The following CDH8 variants were observed in gnomAD, a reference collection of about 807,000 sequenced individuals.
CDH8 encodes the protein cadherin-8.
Under a neutral mutation model 68.1 loss-of-function variants are expected in CDH8, and 17 were observed. The ratio of observed to expected loss-of-function variants is 0.25; its 90% CI spans 0.17 to 0.37. The LOEUF is 0.37. Among genes scored for constraint, CDH8 ranks in the 10% least tolerant of loss-of-function variants. CDH8 has a pLI of 1.00. For missense variants in CDH8, 763 were observed against 999.3 expected (o/e 0.76, Z 3.19); for synonymous variants, 372 against 365.1 (o/e 1.02, Z -0.21).
intron 1 of CDH8, among the ~76,000 whole-genome samples, chr16:62,021,959 T>G (rs908455997): frequency 2.0e-5 from 3 of 152,136 alleles, no homozygotes; most frequent in African/African-American, 7.2e-5. Context: ...TCTTCCATTC[T>G]TTTTTGTTTT....
chr16:61,700,264 A>G (rs997214462), intron 10 of CDH8, among the ~76,000 whole-genome samples: 1 of 149,236 alleles, frequency 6.7e-6, no homozygotes, highest in Non-Finnish European at 1.5e-5. Flanking sequence ...CATATATTAG[A>G]TCTATTTTTA....
intron 2 of CDH8, among the ~76,000 whole-genome samples, chr16:61,907,858 C>G (rs991456515): frequency 1.7e-4 from 26 of 151,724 alleles, no homozygotes; most frequent in South Asian, 1.0e-3. Context: ...TCCTGGCTAA[C>G]ACGGTGAAAC....
At chr16:61,743,726 T>C (rs1204799223) in intron 8 of CDH8, among the ~76,000 whole-genome samples, 2 of 152,186 alleles carry the variant, frequency 1.3e-5, no homozygotes, top group African/African-American at 4.8e-5. Context: ...TTCAGCCCCT[T>C]TGAAGTGGAT....
intron 7 of CDH8, among the ~76,000 whole-genome samples, chr16:61,808,029 A>G (rs1961837231): frequency 6.6e-6 from 1 of 152,230 alleles, no homozygotes; most frequent in South Asian, 2.1e-4. Context: ...AATGAAATAT[A>G]TGCAAAAAGC....
In CDH8 at chr16:61,857,047, C is replaced by A. The variant is rs566413562; in HGVS notation, c.667+72G>T. On this transcript the variant is annotated intron_variant, in intron 4 of 11. Coordinates refer to ENST00000577390, the MANE Select transcript of CDH8 (RefSeq NM_001796.5). ...AGTACTTACACATAATATTTCATAACCCAAATCCCAAGAAAAGCATTTCCC... is the reference window on the plus strand; with the variant it reads ...AGTACTTACACATAATATTTCATAAACCAAATCCCAAGAAAAGCATTTCCC... 2.0e-5 allele frequency: 32 copies of A among 1,564,780 alleles called. 1 individual carries two copies. In the South Asian group the frequency reaches 3.1e-4, roughly 15 times the overall value.
chr16:61,787,581 C>T (rs1430033937), intron 8 of CDH8, among the ~76,000 whole-genome samples: 1 of 139,668 alleles, frequency 7.2e-6, no homozygotes, highest in Non-Finnish European at 1.5e-5. Context: ...CCCAGCCATC[C>T]CATTACTGGG....
In CDH8 at chr16:62,021,605, G is replaced by A; in HGVS notation, c.-199-3C>T. ...GCTTTTCTTTTCATTGAAATTTCCT[G>A]CAAAAACAAGGAGGAAGAAAGATAA... On this transcript the variant is annotated splice_region_variant and splice_polypyrimidine_tract_variant and intron_variant, in intron 1 of 11. Coordinates refer to ENST00000577390, the MANE Select transcript of CDH8 (RefSeq NM_001796.5). 1 of 1,330,592 alleles carries A rather than the reference G, an allele frequency of 7.5e-7. No individual in the cohort carries two copies. Among genetic ancestry groups the A allele is most frequent in the Admixed American group, 3.6e-5 (1 of 28,122 alleles). The allele number at this position is 1,330,592 out of a possible 1,614,324, so 82.4% of individuals were successfully genotyped here.
chr16:61,706,004 G>T, intron 10 of CDH8, among the ~76,000 whole-genome samples: 1 of 152,110 alleles, frequency 6.6e-6, no homozygotes, highest in African/African-American at 2.4e-5. Flanking sequence ...GGTGTGCCTG[G>T]CACATGATGG....
intron 2 of CDH8, among the ~76,000 whole-genome samples, chr16:61,968,282 G>T (rs892295635): frequency 4.6e-5 from 7 of 152,164 alleles, no homozygotes; most frequent in Non-Finnish European, 1.0e-4. Context: ...GTATCTGAAG[G>T]TTTTTCCTCC....
intron 8 of CDH8, among the ~76,000 whole-genome samples, chr16:61,756,168 ACT>A (rs1443078408): frequency 6.6e-6 from 1 of 152,040 alleles, no homozygotes; most frequent in Non-Finnish European, 1.5e-5. Flanking sequence ...CTCCCAAAAC[ACT>A]GATATTTTGT....
intron 10 of CDH8, among the ~76,000 whole-genome samples, chr16:61,663,341 G>C (rs1163947228): frequency 6.6e-6 from 1 of 151,986 alleles, no homozygotes; most frequent in African/African-American, 2.4e-5. Context: ...TGTTTTTCAA[G>C]TAATTTGTTA....
intron 11 of CDH8, 104 bp from the exon 12 acceptor site, chr16:61,654,205 G>T: frequency 1.1e-6 from 1 of 910,080 alleles, no homozygotes; most frequent in Non-Finnish European, 1.7e-6. Flanking sequence ...AAAATTGTAT[G>T]AGCATACACC....
At chr16:61,766,728 T>C (rs1175903210) in intron 8 of CDH8, among the ~76,000 whole-genome samples, 1 of 152,024 alleles carries the variant, frequency 6.6e-6, no homozygotes, top group African/African-American at 2.4e-5. Flanking sequence ...ATCTCATTTC[T>C]GGTTTTACTT....
chr16:61,987,709 A>G (rs1965651928), intron 2 of CDH8, among the ~76,000 whole-genome samples: 1 of 151,796 alleles, frequency 6.6e-6, no homozygotes. Context: ...GGATCTCCCC[A>G]TTACTCATAT....
intron 7 of CDH8, among the ~76,000 whole-genome samples, chr16:61,812,431 T>A (rs1961972472): frequency 6.6e-6 from 1 of 152,228 alleles, no homozygotes; most frequent in Non-Finnish European, 1.5e-5. Flanking sequence ...GCCTGCTGAA[T>A]GGCCATCATT....
intron 2 of CDH8, among the ~76,000 whole-genome samples, chr16:62,002,906 A>C (rs1965915348): frequency 6.6e-6 from 1 of 152,168 alleles, no homozygotes; most frequent in Non-Finnish European, 1.5e-5. Context: ...ACAAAAAATT[A>C]GCTGGGCGTG....
At chr16:61,894,242 A>AC (rs2143212757) in intron 3 of CDH8, among the ~76,000 whole-genome samples, 1 of 152,346 alleles carries the variant, frequency 6.6e-6, no homozygotes, top group South Asian at 2.1e-4. Flanking sequence ...TCCTAAGGAA[A>AC]CATCAGACAA....
At chr16:61,903,161 TATTA>T (rs1476467546) in intron 2 of CDH8, among the ~76,000 whole-genome samples, 3 of 152,216 alleles carry the variant, frequency 2.0e-5, no homozygotes, top group Non-Finnish European at 4.4e-5. Context: ...TTGGTGTCAT[TATTA>T]TTTATGTTAA....
intron 10 of CDH8, among the ~76,000 whole-genome samples, chr16:61,696,423 T>G (rs1255428442): frequency 1.3e-5 from 2 of 152,146 alleles, no homozygotes; most frequent in African/African-American, 4.8e-5. Context: ...CACCATCTCA[T>G]AGCAGTCAGA....
Sources: allele counts gnomAD v4.1 joint callset (sites outside exome capture counted in the v4.1 genomes callset), GRCh38; gene constraint gnomAD v4.1.1; transcripts MANE v1.5; gene names NCBI Gene and HGNC (gene_info 2026-07-23, HGNC 2026-07-21).